The following PI4KA variants were observed in gnomAD, a reference collection of about 807,000 sequenced individuals.
PI4KA encodes the protein PI4-kinase alpha.
In PI4KA, 122 loss-of-function variants were observed where a neutral mutation model predicts 271.4. That is an observed-to-expected ratio of 0.45 (90% CI 0.39 to 0.52). The LOEUF is 0.52. PI4KA is among the 20% of genes least tolerant of loss of function. PI4KA has a pLI of 0.00. For missense variants in PI4KA, 1,969 were observed against 2,769.1 expected (o/e 0.71, Z 6.48); for synonymous variants, 1,041 against 1,078.8 (o/e 0.96, Z 0.69).
rs1929599038 is a variant in PI4KA, at chr22:20,742,615, G to A, written c.3606C>T (p.Ser1202=). Reference sequence around the variant, plus strand: ...AGTGCTTCAGTGAGTTACCTTTACTGCTAATGAGCATTGCGGTCAGCTTGA... The same window carrying A: ...AGTGCTTCAGTGAGTTACCTTTACTACTAATGAGCATTGCGGTCAGCTTGA... ...AMFKLTAMLI[S]SKDCDPQLLH... The change falls in exon 31 of 55, where the codon AGC becomes AGT. Residue 1202 remains serine (S), a synonymous_variant. Coordinates refer to ENST00000255882, the MANE Select transcript of PI4KA (RefSeq NM_058004.4). 1 of 1,614,076 alleles carries A rather than the reference G, an allele frequency of 6.2e-7. No individual in the cohort carries two copies. Among genetic ancestry groups the A allele is most frequent in the Non-Finnish European group, 8.5e-7 (1 of 1,179,944 alleles).
At chr22:20,733,936 C>T (rs1928377963) in intron 34 of PI4KA, 93 bp from the exon 35 acceptor site, 3 of 1,540,672 alleles carry the variant, frequency 1.9e-6, no homozygotes, top group East Asian at 4.7e-5. Context: ...CCAGGAGCAG[C>T]TCACTGAAAT....
At position 20,724,175 on chromosome 22, in the gene PI4KA, C is replaced by T. The variant is rs971447801; in HGVS notation, c.4995+2313G>A. Among the ~76,000 whole-genome samples the T allele has an allele frequency of 2.0e-5, 3 of 151,642 alleles. No individual in the cohort carries two copies. In the East Asian group the frequency reaches 5.9e-4, roughly 30 times the overall value. On this transcript the variant is annotated intron_variant, in intron 42 of 54. Coordinates refer to ENST00000255882, the MANE Select transcript of PI4KA (RefSeq NM_058004.4). Reference sequence around the variant, plus strand: ...AAATAATTAACCAGGTGTGGTGGCACATGCCTGTAATCACAGCTGCTTGGG... The same window carrying T: ...AAATAATTAACCAGGTGTGGTGGCATATGCCTGTAATCACAGCTGCTTGGG...
At position 20,764,958 on chromosome 22, in the gene PI4KA, G is replaced by A. The variant is rs1429196713; in HGVS notation, c.2575-8C>T. 8 of 1,601,012 alleles carry A rather than the reference G, an allele frequency of 5.0e-6. No individual in the cohort carries two copies. Among genetic ancestry groups the A allele is most frequent in the African/African-American group, 4.0e-5 (3 of 74,722 alleles). ...GAGCTCACTCAGCTCAGCCTGGAGG[G>A]AGAGAAACATCCGAGGGCTCATGGG... is the stretch of plus-strand genomic sequence containing the variant. On this transcript the variant is annotated splice_polypyrimidine_tract_variant and splice_region_variant and intron_variant, in intron 21 of 54. Transcript: ENST00000255882.
intron 10 of PI4KA, among the ~76,000 whole-genome samples, chr22:20,805,698 G>A (rs956376717): frequency 3.3e-5 from 5 of 151,956 alleles, no homozygotes; most frequent in African/African-American, 9.7e-5. Context: ...CGGGCGTGGT[G>A]GTGGGCGCCT....
At position 20,807,464 on chromosome 22, in the gene PI4KA, G is replaced by A. The variant is rs1935729812; in HGVS notation, c.1072-6C>T. ...AGATCAGCACTGGGGTTGGCCTGCA[G>A]GGAAGGCAGACACACATGACTATAG... On this transcript the variant is annotated splice_polypyrimidine_tract_variant and splice_region_variant and intron_variant, in intron 9 of 54. Transcript: ENST00000255882. 6.4e-7 allele frequency: 1 copy of A among 1,568,630 alleles called. No homozygotes were observed. Among genetic ancestry groups the A allele is most frequent in the Admixed American group, 1.7e-5 (1 of 59,826 alleles).
intron 19 of PI4KA, among the ~76,000 whole-genome samples, chr22:20,777,462 C>T (rs1601468567): frequency 6.6e-6 from 1 of 152,292 alleles, no homozygotes; most frequent in Non-Finnish European, 1.5e-5. Context: ...AGATGATCCG[C>T]CCACCTCGGC....
chr22:20,805,855 A>G (rs529139469), intron 10 of PI4KA, among the ~76,000 whole-genome samples: 1 of 151,834 alleles, frequency 6.6e-6, no homozygotes, highest in Admixed American at 6.6e-5. Context: ...AAAAAGAAAG[A>G]AAAAGGTTGT....
intron 28 of PI4KA, among the ~76,000 whole-genome samples, chr22:20,748,522 G>C (rs1930352312): frequency 6.6e-6 from 1 of 152,248 alleles, no homozygotes; most frequent in African/African-American, 2.4e-5. Context: ...AGGGGTGTGA[G>C]GGAGGCCTCC....
intron 3 of PI4KA, among the ~76,000 whole-genome samples, chr22:20,830,257 T>C (rs1237892547): frequency 6.6e-6 from 1 of 152,236 alleles, no homozygotes; most frequent in East Asian, 1.9e-4. Flanking sequence ...CCAGTTATTA[T>C]GTGGTTACCT....
intron 10 of PI4KA, among the ~76,000 whole-genome samples, 189 bp from the exon 11 acceptor site, chr22:20,805,354 G>A (rs989701645): frequency 6.6e-6 from 1 of 152,150 alleles, no homozygotes; most frequent in Non-Finnish European, 1.5e-5. Flanking sequence ...TGTCCTCCAC[G>A]TGCACACAAC....
At chr22:20,814,626 T>C (rs1921520465) in intron 7 of PI4KA, among the ~76,000 whole-genome samples, 1 of 151,372 alleles carries the variant, frequency 6.6e-6, no homozygotes, top group Non-Finnish European at 1.5e-5. Context: ...CATGGGCCTA[T>C]AGTCCCAGCT....
At chr22:20,845,088 GGTT>G (rs1184626010) in intron 1 of PI4KA, among the ~76,000 whole-genome samples, 1 of 152,134 alleles carries the variant, frequency 6.6e-6, no homozygotes, top group African/African-American at 2.4e-5. Context: ...ACTTTCAAAA[GGTT>G]GTTAAGTCAA....
Position 20,813,429 on chromosome 22 carries a change from G to GA in PI4KA, c.933dup (p.Pro312SerfsTer9). On this transcript the variant is annotated frameshift_variant, in exon 8 of 55. Transcript: ENST00000255882. LOFTEE classifies it high-confidence loss of function. ...TTATATGTGACACCGTTGAAAAGGG[G>GA]AGAGACTGAGAAGCTGGAGCTGATG... 3 of 1,613,488 alleles carry GA rather than the reference G, an allele frequency of 1.9e-6. No individual in the cohort carries two copies. The highest frequency in any genetic ancestry group is 2.5e-6 in the Non-Finnish European group (3 of 1,179,430).
At position 20,811,017 on chromosome 22, in the gene PI4KA, C is replaced by T; in HGVS notation, c.1021G>A (p.Glu341Lys). ...ELLNLVKKIV[E>K]EAVLKSLDAI... is the part of the protein sequence containing the mutation. ...TCCAAAGATTTGAGAACAGCCTCCTCAACGATCTTCTTCACCTACCAAGGA... is the reference window on the plus strand; with the variant it reads ...TCCAAAGATTTGAGAACAGCCTCCTTAACGATCTTCTTCACCTACCAAGGA... Residue 341 changes from glutamate to lysine, a missense_variant, in exon 9 of 55, where the codon GAG (glutamate) becomes AAG (lysine). Physicochemically the swap from Glu to Lys is moderately conservative, Grantham distance 56 (BLOSUM62 1). Around this residue, in one of 13 missense-constraint regions of PI4KA, gnomAD observed 540 missense variants for 555.5 expected, o/e 0.97. Transcript: ENST00000255882. 6.2e-7 allele frequency: 1 copy of T among 1,613,374 alleles called. No homozygotes were observed.
intron 45 of PI4KA, among the ~76,000 whole-genome samples, chr22:20,716,729 T>C (rs1362019513): frequency 1.3e-4 from 20 of 152,170 alleles, no homozygotes; most frequent in Non-Finnish European, 2.9e-4. Context: ...CCAGCTCTTT[T>C]TGCCCCTCCC....
intron 32 of PI4KA, among the ~76,000 whole-genome samples, chr22:20,741,963 G>C (rs1318564937): frequency 6.6e-6 from 1 of 152,166 alleles, no homozygotes; most frequent in Non-Finnish European, 1.5e-5. Flanking sequence ...CAAAAAGCTG[G>C]ATTTCCAATT....
intron 18 of PI4KA, 54 bp from the exon 19 acceptor site, chr22:20,793,297 A>G: frequency 1.0e-6 from 1 of 994,588 alleles, no homozygotes; most frequent in Non-Finnish European, 1.6e-6. Flanking sequence ...TTTTATTAAA[A>G]AAAAAAAACA....
Position 20,803,200 on chromosome 22 carries a change from A to G in PI4KA, c.1582T>C (p.Tyr528His). 6.2e-7 allele frequency: 1 copy of G among 1,614,086 alleles called. No homozygotes were observed. Among genetic ancestry groups the G allele is most frequent in the Non-Finnish European group, 8.5e-7 (1 of 1,179,958 alleles). ...LVKLYKYHSQ[Y>H]HTVAGNDIKI... ...CATAGTCTGTTATTACCTGTGTGGT[A>G]CTGACTGTGGTACTTGTAGAGCTTC... is the stretch of plus-strand genomic sequence containing the variant. The change falls in exon 13 of 55, where the codon TAC becomes CAC. Residue 528 changes from tyrosine to histidine, a missense_variant. Tyr to His is a moderately conservative substitution (Grantham distance 83, BLOSUM62 2). Around this residue, in one of 13 missense-constraint regions of PI4KA, gnomAD observed 228 missense variants for 261.6 expected, o/e 0.87. Transcript: ENST00000255882.
chr22:20,808,193 G>A (rs2147635009), intron 9 of PI4KA, among the ~76,000 whole-genome samples: 1 of 152,184 alleles, frequency 6.6e-6, no homozygotes, highest in East Asian at 1.9e-4. Flanking sequence ...GGGAGGCTGA[G>A]GCAGGAGAAT....
Sources: gnomAD v4.1 joint callset for allele counts (sites outside exome capture counted in the v4.1 genomes callset) on GRCh38, gnomAD v4.1.1 for gene constraint, gnomAD v4.1.1 regional missense constraint, MANE v1.5 for transcripts, NCBI Gene and HGNC (gene_info 2026-07-23, HGNC 2026-07-21) for gene names.